Variants in PAH observed in about 807,000 individuals in gnomAD.
PAH encodes the protein phenylalanine hydroxylase.
Under a neutral mutation model 62.0 loss-of-function variants are expected in PAH, and 64 were observed. That is an observed-to-expected ratio of 1.03 (90% CI 0.84 to 1.27). The LOEUF is 1.27. PAH is among the 50% of genes most tolerant of loss of function. The probability of loss-of-function intolerance (pLI) is 0.00; values close to 1 mark genes in which losing one functional copy is unlikely to be tolerated. For synonymous variants in PAH, 195 were observed against 196.2 expected (o/e 0.99, Z 0.05); for missense variants, 579 against 542.8 (o/e 1.07, Z -0.66).
chr12:102,884,937 A>T (rs1478609866), intron 3 of PAH, among the ~76,000 whole-genome samples: 1 of 152,212 alleles, frequency 6.6e-6, no homozygotes, highest in East Asian at 1.9e-4. Context: ...CTGATGAGCA[A>T]ATAGGCTCAA....
Position 102,843,740 on chromosome 12 carries a change from G to A in PAH, c.1105C>T (p.Leu369=). The A allele has an allele frequency of 6.2e-7, 1 of 1,613,546 alleles. No individual in the cohort carries two copies. Among genetic ancestry groups the A allele is most frequent in the Non-Finnish European group, 8.5e-7 (1 of 1,179,564 alleles). Residue 369 remains leucine, a synonymous_variant, in exon 11 of 13, where the codon CTG becomes TTG. Coordinates refer to ENST00000553106, the MANE Select transcript of PAH (RefSeq NM_000277.3). ...TAATTTTGGATGGCTGTCTTCTCCA[G>A]CTCCAGGGGGAGAAGCTTTGGCTTC... The part of the protein sequence containing the change: ...SEKPKLLPLE[L]EKTAIQNYTV...
chr12:102,868,083 TG>T (rs1876100476), intron 4 of PAH, among the ~76,000 whole-genome samples: 1 of 51,018 alleles, frequency 2.0e-5, no homozygotes, highest in Non-Finnish European at 3.8e-5. Context: ...CATATATGTG[TG>T]TGTGTATATA....
At chr12:102,870,324 C>G (rs1389461922) in intron 4 of PAH, among the ~76,000 whole-genome samples, 1 of 152,182 alleles carries the variant, frequency 6.6e-6, no homozygotes, top group Non-Finnish European at 1.5e-5. Flanking sequence ...TGTTGGAATA[C>G]TAATTCATTT....
chr12:102,869,421 T>C (rs1876205046), intron 4 of PAH, among the ~76,000 whole-genome samples: 1 of 152,222 alleles, frequency 6.6e-6, no homozygotes, highest in South Asian at 2.1e-4. Flanking sequence ...GAAAAATAAG[T>C]AACACTAACA....
At chr12:102,880,303 TG>T in intron 3 of PAH, among the ~76,000 whole-genome samples, 1 of 152,306 alleles carries the variant, frequency 6.6e-6, no homozygotes, top group East Asian at 1.9e-4. Flanking sequence ...CAGGTTTGCA[TG>T]GGCTTGAGAA....
intron 3 of PAH, among the ~76,000 whole-genome samples, chr12:102,877,764 A>G (rs1876636599): frequency 6.6e-6 from 1 of 152,124 alleles, no homozygotes; most frequent in African/African-American, 2.4e-5. Context: ...TTTCCTGGAG[A>G]TGTTCTCTGA....
chr12:102,872,579 A>G lies in PAH; in HGVS notation c.441+4883T>C, dbSNP rs908804687. 6.6e-5 allele frequency among the ~76,000 whole-genome samples: 10 copies of G among 152,236 alleles called. No individual in the cohort carries two copies. The East Asian group carries it at 1.9e-3, about 29-fold the overall frequency. ...AAAAGGAAGAGAAAAGGAGAAAAGT[A>G]TTGAAAAATATAGTCTTGTTATTGG... is the stretch of plus-strand genomic sequence containing the variant. On this transcript the variant is annotated intron_variant, in intron 4 of 12. Transcript: ENST00000553106.
At chr12:102,882,124 C>A (rs190735094) in intron 3 of PAH, among the ~76,000 whole-genome samples, 1 of 152,330 alleles carries the variant, frequency 6.6e-6, no homozygotes, top group East Asian at 1.9e-4. Context: ...CAACTCTTAC[C>A]TCTTGTCCTT....
intron 2 of PAH, among the ~76,000 whole-genome samples, chr12:102,897,461 G>GTA (rs1877551768): frequency 7.7e-6 from 1 of 129,648 alleles, no homozygotes; most frequent in African/African-American, 3.8e-5. Context: ...ATGTGTGTGT[G>GTA]TGTGTATATA....
chr12:102,921,341 T>C (rs73393505), upstream of PAH, among the ~76,000 whole-genome samples: 4,822 of 152,290 alleles, frequency 0.032, 266 homozygotes, highest in African/African-American at 0.11. Flanking sequence ...TCATCATATT[T>C]TCTACCCATT....
intron 1 of PAH, among the ~76,000 whole-genome samples, chr12:102,929,874 T>G (rs1878799428): frequency 6.6e-6 from 1 of 152,144 alleles, no homozygotes; most frequent in African/African-American, 2.4e-5. Flanking sequence ...GAGAATGCCA[T>G]TCTCAGAGAT....
intron 6 of PAH, chr12:102,854,840 C>T (rs962132632): frequency 4.4e-6 from 2 of 450,014 alleles, no homozygotes; most frequent in Admixed American, 3.4e-5. Flanking sequence ...AAAAAAAAAC[C>T]TCAGTGAAGC....
rs1048659758 is a variant in PAH at position 102,843,494 on chromosome 12, A to G, written c.1199+152T>C. On this transcript the variant is annotated intron_variant, in intron 11 of 12. Coordinates refer to ENST00000553106, the MANE Select transcript of PAH (RefSeq NM_000277.3). ...CCAACCTTCCAACAGAGAACGGAAG[A>G]AAAGGAGGGTGGAGAACATGGGAGA... 4 of 806,380 alleles carry G rather than the reference A, an allele frequency of 5.0e-6. No individual in the cohort carries two copies. The African/African-American group carries it at 6.8e-5, about 14-fold the overall frequency. 50.0% of individuals were successfully genotyped at this position (806,380 alleles called of 1,614,324 possible). A position where few individuals can be genotyped will look rare whatever the true frequency, so the allele number is the denominator to read the frequency against.
rs1025160479 is a variant in PAH, at chr12:102,836,943, A to G, written c.*2232T>C. ...GGATTTTTTGAAACACAACTAAATT[A>G]TATAACTTAGAAACCTACAGTTAAA... is the stretch of plus-strand genomic sequence containing the variant. On this transcript the variant is annotated 3_prime_UTR_variant, in exon 13 of 13. Transcript: ENST00000553106. The G allele has an allele frequency of 2.0e-5, 3 of 152,228 alleles. No homozygotes were observed. The highest frequency in any genetic ancestry group is 7.2e-5 in the African/African-American group (3 of 41,462). The allele number at this position is 152,228 out of a possible 1,614,324, so 9.4% of individuals were successfully genotyped here.
chr12:102,914,306 C>A (rs1878305821), intron 1 of PAH: 1 of 153,482 alleles, frequency 6.5e-6, no homozygotes, highest in Non-Finnish European at 1.4e-5. Context: ...TTATTTAGAG[C>A]CTATAATTTC....
chr12:102,942,229 TA>T (rs1879321115), intron 1 of PAH, among the ~76,000 whole-genome samples: 1 of 152,028 alleles, frequency 6.6e-6, no homozygotes, highest in South Asian at 2.1e-4. Context: ...AGTTTCAGAA[TA>T]AAAAAATCAA....
intron 2 of PAH, among the ~76,000 whole-genome samples, chr12:102,897,346 T>C (rs374151743): frequency 2.6e-4 from 40 of 151,998 alleles, no homozygotes; most frequent in African/African-American, 9.2e-4. Flanking sequence ...TTAGTGGCCA[T>C]TTGCATTTCT....
chr12:102,921,914 C>T (rs1387558000), upstream of PAH, among the ~76,000 whole-genome samples: 1 of 151,944 alleles, frequency 6.6e-6, no homozygotes, highest in African/African-American at 2.4e-5. Flanking sequence ...TTTTTTTGCT[C>T]CAAGTTATAT....
intron 1 of PAH, chr12:102,958,157 C>A: frequency 9.6e-7 from 1 of 1,046,092 alleles, no homozygotes; most frequent in South Asian, 2.2e-5. Context: ...TGTTCCTGCA[C>A]CCAAGTTCTC....
Sources: gnomAD v4.1 joint callset for allele counts (sites outside exome capture counted in the v4.1 genomes callset) on GRCh38, gnomAD v4.1.1 for gene constraint, MANE v1.5 for transcripts, NCBI Gene and HGNC (gene_info 2026-07-23, HGNC 2026-07-21) for gene names.